Variants in CUEDC1 observed in about 807,000 individuals in gnomAD.
The protein encoded by CUEDC1 is CUE domain-containing protein 1.
A neutral mutation model predicts 43.7 loss-of-function variants in CUEDC1; 30 were observed. The ratio of observed to expected loss-of-function variants is 0.69; its 90% CI spans 0.51 to 0.93. The LOEUF (loss-of-function observed/expected upper bound fraction) is 0.93, where lower values mean the gene tolerates loss of function less well. Among genes scored for constraint, CUEDC1 ranks in the 40% least tolerant of loss-of-function variants. The pLI, the probability that CUEDC1 is intolerant of heterozygous loss-of-function variation, is 0.00. For missense variants in CUEDC1, 486 were observed against 549.0 expected (o/e 0.89, Z 1.15); for synonymous variants, 223 against 223.6 (o/e 1.00, Z 0.02).
chr17:57,901,729 G>C (rs1216039321), intron 1 of CUEDC1, among the ~76,000 whole-genome samples: 1 of 152,236 alleles, frequency 6.6e-6, no homozygotes, highest in Non-Finnish European at 1.5e-5. Context: ...GATGTAGCCG[G>C]AACGGCCCCA....
rs202096732 is a variant in CUEDC1, at chr17:57,861,670, GA to G, written c.*1618del. On this transcript the variant is annotated 3_prime_UTR_variant, in exon 11 of 11. Transcript: ENST00000577830. ...CCAAGAAAAAACCCACACATAGGAG[GA>G]AAAAAAATAACAAAGCAACACTCAA... is the stretch of plus-strand genomic sequence containing the variant. The G allele has an allele frequency of 2.0e-5, 3 of 152,156 alleles. No homozygotes were observed. The highest frequency in any genetic ancestry group is 2.9e-5 in the Non-Finnish European group (2 of 68,092). The allele number at this position is 152,156 out of a possible 1,614,324, so 9.4% of individuals were successfully genotyped here. A position where few individuals can be genotyped will look rare whatever the true frequency, so the allele number is the denominator to read the frequency against.
At chr17:57,896,060 C>T (rs532167149) in intron 1 of CUEDC1, among the ~76,000 whole-genome samples, 5 of 152,164 alleles carry the variant, frequency 3.3e-5, no homozygotes, top group African/African-American at 4.8e-5. Context: ...CCAGGTAATC[C>T]GGGTCAAGGA....
At chr17:57,918,518 C>A (rs1293180403) in intron 1 of CUEDC1, among the ~76,000 whole-genome samples, 1 of 152,290 alleles carries the variant, frequency 6.6e-6, no homozygotes, top group East Asian at 1.9e-4. Context: ...GAGAAGGGGG[C>A]CTTATCTATC....
chr17:57,945,724 T>C (rs1429616036), intron 1 of CUEDC1, among the ~76,000 whole-genome samples: 1 of 152,320 alleles, frequency 6.6e-6, no homozygotes, highest in South Asian at 2.1e-4. Flanking sequence ...TTAACAATCA[T>C]TATGTAATAT....
At chr17:57,916,593 G>A (rs2074643784) in intron 1 of CUEDC1, among the ~76,000 whole-genome samples, 2 of 152,216 alleles carry the variant, frequency 1.3e-5, no homozygotes, top group African/African-American at 4.8e-5. Context: ...GCAGACCAGA[G>A]CCCTGACAGG....
chr17:57,914,613 A>G (rs560266059), intron 1 of CUEDC1, among the ~76,000 whole-genome samples: 1 of 152,344 alleles, frequency 6.6e-6, no homozygotes, highest in Non-Finnish European at 1.5e-5. Context: ...GAAAAGGGAC[A>G]GGGATAATGC....
At chr17:57,953,947 A>G (rs1346921970) in intron 1 of CUEDC1, among the ~76,000 whole-genome samples, 1 of 152,122 alleles carries the variant, frequency 6.6e-6, no homozygotes, top group Non-Finnish European at 1.5e-5. Flanking sequence ...TCTCCATCCC[A>G]GAGATGGCAC....
intron 5 of CUEDC1, 52 bp from the exon 6 acceptor site, chr17:57,871,421 G>A (rs752107508): frequency 1.5e-5 from 23 of 1,488,938 alleles, no homozygotes; most frequent in Non-Finnish European, 2.2e-5. Flanking sequence ...TGGGCTCCCA[G>A]GGGCAGGCTG....
rs974468321 is a variant in CUEDC1 at position 57,878,496 on chromosome 17, C to A, written c.464+1115G>T. On this transcript the variant is annotated intron_variant, in intron 3 of 10. Coordinates refer to ENST00000577830, the MANE Select transcript of CUEDC1 (RefSeq NM_001271875.2). ...GTGCCCTGTCCCATCATCTCCCCAC[C>A]CCCTCACCACTCCAGGCCTGAGCCA... Among the ~76,000 whole-genome samples, 7 of 152,032 alleles carry A rather than the reference C, an allele frequency of 4.6e-5. No individual in the cohort carries two copies. The East Asian group carries it at 1.4e-3, about 29-fold the overall frequency.
At chr17:57,868,076 G>A (rs1251378514) in intron 8 of CUEDC1, 74 bp downstream of exon 8, 2 of 1,244,088 alleles carry the variant, frequency 1.6e-6, no homozygotes, top group African/African-American at 3.0e-5. Flanking sequence ...ACAGCTGCAG[G>A]GAGTCCAACA....
Position 57,907,219 on chromosome 17 carries a change from T to C in CUEDC1, c.-315-21340A>G, listed in dbSNP as rs147969603. Reference sequence around the variant, plus strand: ...GGGAGACAGCACTGCAGGGATACTTTGTGGACATTTGAAATCCTTGCGTTA... The same window carrying C: ...GGGAGACAGCACTGCAGGGATACTTCGTGGACATTTGAAATCCTTGCGTTA... On this transcript the variant is annotated intron_variant, in intron 1 of 10. Transcript: ENST00000577830. 4.6e-5 allele frequency among the ~76,000 whole-genome samples: 7 copies of C among 152,258 alleles called. No individual in the cohort carries two copies. The East Asian group carries it at 1.4e-3, about 29-fold the overall frequency.
intron 9 of CUEDC1, chr17:57,867,017 C>T (rs1045938602): frequency 4.7e-6 from 2 of 426,830 alleles, no homozygotes; most frequent in Non-Finnish European, 8.7e-6. Context: ...ACTGAAGCTG[C>T]CCAGTGCTTG....
chr17:57,915,526 G>A (rs149434670), intron 1 of CUEDC1, among the ~76,000 whole-genome samples: 8 of 152,302 alleles, frequency 5.3e-5, no homozygotes, highest in African/African-American at 1.9e-4. Context: ...TGTCATCAAT[G>A]AGGTTAATGT....
At chr17:57,865,826 T>C (rs983580840) in intron 10 of CUEDC1, among the ~76,000 whole-genome samples, 4 of 148,910 alleles carry the variant, frequency 2.7e-5, no homozygotes, top group Admixed American at 2.7e-4. Context: ...TCTTTTTCTT[T>C]TTTTTTTTTT....
intron 1 of CUEDC1, among the ~76,000 whole-genome samples, chr17:57,917,852 C>T (rs1342118427): frequency 6.6e-6 from 1 of 152,218 alleles, no homozygotes; most frequent in South Asian, 2.1e-4. Context: ...GAAGACTACT[C>T]CTCCTGACCC....
In CUEDC1 at chr17:57,872,653, C is replaced by T. The variant is rs745561399; in HGVS notation, c.784+10G>A. On this transcript the variant is annotated intron_variant, in intron 5 of 10. Coordinates refer to ENST00000577830, the MANE Select transcript of CUEDC1 (RefSeq NM_001271875.2). ...TCAGCCAGGGAGAAGTGGCTGCAGG[C>T]GCTGCCCACCTCTCTCCAGAGCGAG... 4 of 1,612,884 alleles carry T rather than the reference C, an allele frequency of 2.5e-6. No homozygotes were observed. The highest frequency in any genetic ancestry group is 2.5e-6 in the Non-Finnish European group (3 of 1,179,858).
intron 3 of CUEDC1, among the ~76,000 whole-genome samples, chr17:57,874,524 G>A (rs911188058): frequency 2.0e-5 from 3 of 152,208 alleles, no homozygotes; most frequent in African/African-American, 7.2e-5. Flanking sequence ...AGAGGAAGAG[G>A]GGGTGGCACA....
At chr17:57,880,220 A>G (rs1427342314) in intron 2 of CUEDC1, among the ~76,000 whole-genome samples, 2 of 152,166 alleles carry the variant, frequency 1.3e-5, no homozygotes, top group East Asian at 3.8e-4. Context: ...TCCTGTACCC[A>G]TGCTATTCTT....
chr17:57,866,425 G>C, intron 10 of CUEDC1, 49 bp downstream of exon 10: 1 of 1,574,518 alleles, frequency 6.4e-7, no homozygotes, highest in Non-Finnish European at 8.7e-7. Flanking sequence ...ATAGTGTGGG[G>C]GGCCCTGGCC....
Sources: gnomAD v4.1 joint callset for allele counts (sites outside exome capture counted in the v4.1 genomes callset) on GRCh38, gnomAD v4.1.1 for gene constraint, MANE v1.5 for transcripts, NCBI Gene and HGNC (gene_info 2026-07-23, HGNC 2026-07-21) for gene names.